The following ADAMTSL1 variants were observed in gnomAD, a reference collection of about 807,000 sequenced individuals.
The protein encoded by ADAMTSL1 is ADAMTS like 1, also known as ADAMTS-like protein 1.
Under a neutral mutation model 201.8 loss-of-function variants are expected in ADAMTSL1, and 126 were observed. That is an observed-to-expected ratio of 0.62 (90% CI 0.54 to 0.72). The LOEUF (loss-of-function observed/expected upper bound fraction) is 0.72, where lower values mean the gene tolerates loss of function less well. Among genes scored for constraint, ADAMTSL1 ranks in the 30% least tolerant of loss-of-function variants. The pLI is 0.00. For missense variants in ADAMTSL1, 2,679 were observed against 2,277.8 expected, an observed-to-expected ratio of 1.18 and a Z score of -3.59; for synonymous variants, 1,121 against 903.4, an observed-to-expected ratio of 1.24 and a Z score of -4.32.
intron 1 of ADAMTSL1, among the ~76,000 whole-genome samples, chr9:18,105,976 T>C (rs660525): frequency 0.99 from 150,558 of 152,326 alleles, 74,432 homozygotes; most frequent in Middle Eastern, 1. Context: ...AAAGATTATT[T>C]TGCAATATCG....
At chr9:18,594,230 A>G (rs1281234727) in intron 4 of ADAMTSL1, among the ~76,000 whole-genome samples, 2 of 151,900 alleles carry the variant, frequency 1.3e-5, no homozygotes, top group East Asian at 3.9e-4. Flanking sequence ...GTCTCCTTCC[A>G]GTTGTATTTG....
At chr9:18,843,986 T>G (rs2131334350) in intron 23 of ADAMTSL1, among the ~76,000 whole-genome samples, 1 of 152,344 alleles carries the variant, frequency 6.6e-6, no homozygotes, top group African/African-American at 2.4e-5. Context: ...TTGAATTTCC[T>G]CCTGTAGCTC....
chr9:18,165,706 A>G (rs1827599492), intron 2 of ADAMTSL1, among the ~76,000 whole-genome samples: 1 of 151,958 alleles, frequency 6.6e-6, no homozygotes, highest in Admixed American at 6.6e-5. Context: ...AAAGTTTCTC[A>G]ACTACCAGAA....
At chr9:18,405,592 C>G (rs960911505) in intron 2 of ADAMTSL1, among the ~76,000 whole-genome samples, 1 of 147,646 alleles carries the variant, frequency 6.8e-6, no homozygotes, top group African/African-American at 2.5e-5. Flanking sequence ...CAAGTTTTCT[C>G]TTTGGAGAGA....
intron 26 of ADAMTSL1, among the ~76,000 whole-genome samples, chr9:18,893,267 G>C (rs1302179412): frequency 6.6e-6 from 1 of 152,032 alleles, no homozygotes; most frequent in Non-Finnish European, 1.5e-5. Flanking sequence ...GAGGCTTATT[G>C]GCAGTTTGTA....
chr9:18,306,701 A>G (rs1833921723), intron 2 of ADAMTSL1, among the ~76,000 whole-genome samples: 2 of 152,164 alleles, frequency 1.3e-5, no homozygotes, highest in South Asian at 4.2e-4. Flanking sequence ...ATGTGAAAAG[A>G]CCAAATCTAC....
Position 18,770,518 on chromosome 9 carries a change from T to C in ADAMTSL1, c.2218-84T>C, listed in dbSNP as rs140388370. 1.4e-4 allele frequency: 193 copies of C among 1,361,972 alleles called. No individual in the cohort carries two copies. The African/African-American group carries it at 2.3e-3, about 16-fold the overall frequency. 84.4% of individuals were successfully genotyped at this position (1,361,972 alleles called of 1,614,324 possible). ...TGGATTTTTTTTTCTTCCTTTACTC[T>C]GCCAAATTAAGATAAGAATTAGCAG... On this transcript the variant is annotated intron_variant, in intron 16 of 28. Transcript: ENST00000380548.
chr9:18,859,617 A>G (rs983473357), intron 23 of ADAMTSL1, among the ~76,000 whole-genome samples: 1 of 152,198 alleles, frequency 6.6e-6, no homozygotes, highest in Non-Finnish European at 1.5e-5. Context: ...AACATTTCTG[A>G]AGGGCAATTT....
chr9:18,549,572 T>C (rs2034630362), intron 3 of ADAMTSL1, among the ~76,000 whole-genome samples: 1 of 152,036 alleles, frequency 6.6e-6, no homozygotes, highest in Non-Finnish European at 1.5e-5. Context: ...TATGTATGCA[T>C]GTTACATGGC....
intron 9 of ADAMTSL1, among the ~76,000 whole-genome samples, chr9:18,667,853 A>T (rs1431510908): frequency 6.6e-6 from 1 of 152,196 alleles, no homozygotes; most frequent in Non-Finnish European, 1.5e-5. Context: ...TGTAAGTCCT[A>T]GGAAAATATG....
chr9:17,979,733 G>C (rs999052184), intron 1 of ADAMTSL1, among the ~76,000 whole-genome samples: 2 of 152,080 alleles, frequency 1.3e-5, no homozygotes, highest in Non-Finnish European at 2.9e-5. Flanking sequence ...TTGTGCATTG[G>C]AAAGAGTAAG....
chr9:18,205,448 A>C (rs1001461862), intron 2 of ADAMTSL1, among the ~76,000 whole-genome samples: 5 of 151,968 alleles, frequency 3.3e-5, no homozygotes, highest in African/African-American at 1.2e-4. Context: ...TAATGGATTT[A>C]TGTTCTCCCT....
chr9:18,283,647 T>C (rs1454922882), intron 2 of ADAMTSL1, among the ~76,000 whole-genome samples: 1 of 136,806 alleles, frequency 7.3e-6, no homozygotes, highest in Admixed American at 7.6e-5. Flanking sequence ...GTGCAGTGGC[T>C]CAAGCCTGTA....
chr9:18,287,574 T>C (rs1409789002), intron 2 of ADAMTSL1, among the ~76,000 whole-genome samples: 1 of 148,934 alleles, frequency 6.7e-6, no homozygotes, highest in African/African-American at 2.5e-5. Flanking sequence ...TACATATATG[T>C]AAATATATGT....
chr9:18,205,749 G>T (rs963738203), intron 2 of ADAMTSL1, among the ~76,000 whole-genome samples: 1 of 152,046 alleles, frequency 6.6e-6, no homozygotes, highest in East Asian at 1.9e-4. Context: ...GGTTAAAGAG[G>T]CTTCTTCATA....
intron 1 of ADAMTSL1, among the ~76,000 whole-genome samples, chr9:17,956,316 C>T (rs1827930314): frequency 6.6e-6 from 1 of 152,000 alleles, no homozygotes. Flanking sequence ...GAATTTTGAT[C>T]TTTTCTGTTT....
intron 2 of ADAMTSL1, among the ~76,000 whole-genome samples, chr9:18,252,432 G>A: frequency 6.6e-6 from 1 of 152,058 alleles, no homozygotes; most frequent in East Asian, 1.9e-4. Context: ...ATCCTTGAAT[G>A]TTCAAGTCCC....
intron 2 of ADAMTSL1, among the ~76,000 whole-genome samples, chr9:18,287,021 T>A (rs1833016130): frequency 6.6e-6 from 1 of 152,128 alleles, no homozygotes; most frequent in South Asian, 2.1e-4. Context: ...TAATCCCAAA[T>A]TCTCAGTGCC....
chr9:18,204,146 C>T (rs549323846), intron 2 of ADAMTSL1, among the ~76,000 whole-genome samples: 1 of 152,226 alleles, frequency 6.6e-6, no homozygotes, highest in East Asian at 1.9e-4. Flanking sequence ...TTACTTAACC[C>T]TATGTGATTG....
Sources: allele counts gnomAD v4.1 joint callset (sites outside exome capture counted in the v4.1 genomes callset), GRCh38; gene constraint gnomAD v4.1.1; transcripts MANE v1.5; gene names NCBI Gene and HGNC (gene_info 2026-07-23, HGNC 2026-07-21).